CD44: variants seen among roughly 807,000 people sequenced by gnomAD.
CD44 encodes the protein CD44 antigen.
Under a neutral mutation model 88.8 loss-of-function variants are expected in CD44, and 49 were observed. That is an observed-to-expected ratio of 0.55 (90% confidence interval 0.44 to 0.70). CD44 has a LOEUF of 0.70. Among genes scored for constraint, CD44 ranks in the 30% least tolerant of loss-of-function variants. The pLI, the probability that CD44 is intolerant of heterozygous loss-of-function variation, is 0.00. For synonymous variants in CD44, 325 were observed against 312.3 expected, an observed-to-expected ratio of 1.04 and a Z score of -0.43; for missense variants, 883 against 913.8, an observed-to-expected ratio of 0.97 and a Z score of 0.43.
At chr11:35,216,967 C>G (rs931069975) in intron 15 of CD44, among the ~76,000 whole-genome samples, 4 of 152,208 alleles carry the variant, frequency 2.6e-5, no homozygotes, top group African/African-American at 9.7e-5. Flanking sequence ...GCCAATTGAA[C>G]AATCTCTGTG....
chr11:35,201,852 G>A (rs184215899), intron 9 of CD44, 65 bp downstream of exon 9: 9 of 1,542,696 alleles, frequency 5.8e-6, no homozygotes, highest in Middle Eastern at 3.5e-4. Flanking sequence ...CAGCAATAGG[G>A]AAGATTTTGT....
intron 1 of CD44, among the ~76,000 whole-genome samples, chr11:35,169,972 T>C (rs537200727): frequency 6.6e-6 from 1 of 152,360 alleles, no homozygotes; most frequent in East Asian, 1.9e-4. Flanking sequence ...ATCTCTAAAA[T>C]GGGTTTAGCA....
intron 1 of CD44, among the ~76,000 whole-genome samples, chr11:35,174,107 C>A (rs1274798285): frequency 6.6e-6 from 1 of 152,198 alleles, no homozygotes; most frequent in Non-Finnish European, 1.5e-5. Flanking sequence ...AGTAATAGGT[C>A]CCCTCTCCTA....
chr11:35,196,666 G>C (rs1477379909), intron 5 of CD44, 80 bp from the exon 6 acceptor site: 2 of 1,400,682 alleles, frequency 1.4e-6, no homozygotes, highest in Non-Finnish European at 2.0e-6. Flanking sequence ...AGTAGTAAAA[G>C]AGTACAAGCA....
intron 17 of CD44, among the ~76,000 whole-genome samples, chr11:35,228,110 G>A (rs983377959): frequency 2.0e-4 from 31 of 152,192 alleles, no homozygotes; most frequent in African/African-American, 6.3e-4. Context: ...ACTCGTATAT[G>A]TGTAGTAGTG....
rs1385424062 is a variant in CD44 at position 35,190,075 on chromosome 11, A to G, written c.667+10A>G. 6.2e-6 allele frequency: 10 copies of G among 1,605,476 alleles called. No homozygotes were observed. Among genetic ancestry groups the G allele is most frequent in the Non-Finnish European group, 8.5e-6 (10 of 1,172,014 alleles). On this transcript the variant is annotated intron_variant, in intron 5 of 17. Coordinates refer to ENST00000428726, the MANE Select transcript of CD44 (RefSeq NM_000610.4). ...AGAATCCCTGCTACCAGTAAGGAGA[A>G]TAAATCACTGTGCTTCCCAATAGCA...
intron 15 of CD44, among the ~76,000 whole-genome samples, chr11:35,216,891 G>A (rs1273714082): frequency 6.6e-6 from 1 of 152,198 alleles, no homozygotes; most frequent in Non-Finnish European, 1.5e-5. Context: ...TCCCACCCAG[G>A]TGGTTTATAT....
intron 16 of CD44, 27 bp downstream of exon 16, chr11:35,219,414 AAC>A: frequency 6.5e-7 from 1 of 1,542,286 alleles, no homozygotes; most frequent in Non-Finnish European, 9.0e-7. Context: ...GAGGCAGAAA[AAC>A]ACACTGAAAG....
intron 15 of CD44, 130 bp downstream of exon 15, chr11:35,215,044 G>A (rs117264814): frequency 2.1e-5 from 10 of 478,624 alleles, no homozygotes; most frequent in Non-Finnish European, 3.2e-5. Flanking sequence ...CACAATTGCA[G>A]GGAGGGCTTA....
At chr11:35,214,949 T>A (rs941474933) in intron 15 of CD44, 35 bp downstream of exon 15, 3 of 1,387,914 alleles carry the variant, frequency 2.2e-6, no homozygotes, top group Non-Finnish European at 2.9e-6. Context: ...TTTACTGTTA[T>A]AATCATTGAG....
intron 1 of CD44, among the ~76,000 whole-genome samples, chr11:35,174,233 C>T (rs932490370): frequency 6.6e-6 from 1 of 152,206 alleles, no homozygotes; most frequent in African/African-American, 2.4e-5. Flanking sequence ...TGAGCCTCAA[C>T]TTTCTTGTTG....
intron 10 of CD44, among the ~76,000 whole-genome samples, chr11:35,205,550 G>A (rs944477167): frequency 4.6e-5 from 7 of 152,146 alleles, no homozygotes; most frequent in African/African-American, 1.4e-4. Flanking sequence ...AGCAAGGCAT[G>A]TGCTGCTTTC....
At chr11:35,164,740 G>C (rs1364932497) in intron 1 of CD44, among the ~76,000 whole-genome samples, 2 of 152,192 alleles carry the variant, frequency 1.3e-5, no homozygotes, top group Non-Finnish European at 2.9e-5. Flanking sequence ...AAAACTTTAA[G>C]TTGCAAGATA....
intron 11 of CD44, among the ~76,000 whole-genome samples, chr11:35,206,673 G>T (rs993390355): frequency 1.3e-5 from 2 of 149,774 alleles, no homozygotes; most frequent in South Asian, 2.1e-4. Context: ...GGTTGGTGGG[G>T]GGGGCAGTTT....
chr11:35,195,718 G>GATT (rs1946674842), intron 5 of CD44, among the ~76,000 whole-genome samples: 1 of 152,056 alleles, frequency 6.6e-6, no homozygotes, highest in Non-Finnish European at 1.5e-5. Flanking sequence ...AGAAATGGCA[G>GATT]TCTTTGGAGA....
At chr11:35,196,925 T>A in intron 6 of CD44, 51 bp downstream of exon 6, 1 of 1,579,016 alleles carries the variant, frequency 6.3e-7, no homozygotes, top group Non-Finnish European at 8.7e-7. Flanking sequence ...CAGCCTTGAA[T>A]AATTTTGATT....
chr11:35,205,453 T>C (rs1407738239), intron 10 of CD44, among the ~76,000 whole-genome samples: 1 of 152,194 alleles, frequency 6.6e-6, no homozygotes, highest in Non-Finnish European at 1.5e-5. Context: ...AGCAATGGAT[T>C]CTGTGATTGT....
At chr11:35,150,513 T>C (rs542757290) in intron 1 of CD44, among the ~76,000 whole-genome samples, 2 of 152,320 alleles carry the variant, frequency 1.3e-5, no homozygotes, top group Admixed American at 6.5e-5. Flanking sequence ...TTTGTCAAAA[T>C]GTGTCAGAGG....
chr11:35,143,170 C>G (rs1398481400), intron 1 of CD44, among the ~76,000 whole-genome samples: 2 of 151,748 alleles, frequency 1.3e-5, no homozygotes, highest in African/African-American at 4.8e-5. Context: ...TATTTTTGAC[C>G]ATATAGCAAT....
Sources: allele counts gnomAD v4.1 joint callset (sites outside exome capture counted in the v4.1 genomes callset), GRCh38; gene constraint gnomAD v4.1.1; transcripts MANE v1.5; gene names NCBI Gene and HGNC (gene_info 2026-07-23, HGNC 2026-07-21).